Variants in DSCAML1 observed in about 807,000 individuals in gnomAD.
DSCAML1 encodes the protein DS cell adhesion molecule like 1.
DSCAML1 carries 38 observed loss-of-function variants against 200.5 expected under a neutral mutation model. That is an observed-to-expected ratio of 0.19 (90% CI 0.15 to 0.25). The LOEUF (loss-of-function observed/expected upper bound fraction) is 0.25. DSCAML1 is among the 10% of genes least tolerant of loss of function. The probability of loss-of-function intolerance (pLI) is 1.00; values close to 1 mark genes in which losing one functional copy is unlikely to be tolerated. For synonymous variants in DSCAML1, 1,215 were observed against 1,165.0 expected (o/e 1.04, Z -0.87); for missense variants, 2,223 against 2,858.8 (o/e 0.78, Z 5.07).
chr11:117,486,956 C>T (rs1016722803), intron 11 of DSCAML1, among the ~76,000 whole-genome samples: 2 of 94,350 alleles, frequency 2.1e-5, no homozygotes, highest in Non-Finnish European at 4.0e-5. Flanking sequence ...CAGAGTCTTG[C>T]TCTTGTTGCC....
chr11:117,462,954 G>C (rs1418718981), intron 17 of DSCAML1, among the ~76,000 whole-genome samples: 3 of 152,206 alleles, frequency 2.0e-5, no homozygotes, highest in Non-Finnish European at 4.4e-5. Context: ...AATTCCAGGG[G>C]CCCCCCACGA....
chr11:117,540,690 G>A (rs1039813532), intron 3 of DSCAML1, among the ~76,000 whole-genome samples: 3 of 151,876 alleles, frequency 2.0e-5, no homozygotes, highest in African/African-American at 2.4e-5. Context: ...AGGGCCTGTC[G>A]GGGGATGAGG....
At chr11:117,598,469 G>C (rs555589278) in intron 3 of DSCAML1, among the ~76,000 whole-genome samples, 197 of 152,232 alleles carry the variant, frequency 1.3e-3, no homozygotes, top group African/African-American at 4.6e-3. Context: ...CTATAACATG[G>C]GCATCTAGGG....
At chr11:117,460,020 G>C (rs747061) in intron 18 of DSCAML1, among the ~76,000 whole-genome samples, 82,344 of 152,174 alleles carry the variant, frequency 0.54, 22,527 homozygotes, top group African/African-American at 0.61. Context: ...CAGGACTGGA[G>C]CCAGAGAAAG....
chr11:117,717,922 G>A (rs1262246143), intron 3 of DSCAML1, among the ~76,000 whole-genome samples: 1 of 152,232 alleles, frequency 6.6e-6, no homozygotes, highest in African/African-American at 2.4e-5. Flanking sequence ...GAAATGAGGG[G>A]TGAGAAGAGG....
chr11:117,705,231 T>C (rs1448445332), intron 3 of DSCAML1, among the ~76,000 whole-genome samples: 1 of 152,202 alleles, frequency 6.6e-6, no homozygotes, highest in Non-Finnish European at 1.5e-5. Flanking sequence ...AACCCTCTGA[T>C]GGTTACAGAG....
chr11:117,548,640 C>T (rs1273133051), intron 3 of DSCAML1, among the ~76,000 whole-genome samples: 2 of 152,148 alleles, frequency 1.3e-5, no homozygotes, highest in Non-Finnish European at 2.9e-5. Flanking sequence ...CAGTATCACT[C>T]CTCTGAACCT....
rs1315671283 is a variant in DSCAML1 at position 117,482,180 on chromosome 11, A to T, written c.2360-18T>A. On this transcript the variant is annotated intron_variant, in intron 11 of 32. Coordinates refer to ENST00000651296, the MANE Select transcript of DSCAML1 (RefSeq NM_020693.4). Reference sequence around the variant, plus strand: ...GGCCGGGACTGGGGGGCGGAGGCAGAGAAGGCCCAGTGAAGGTCGGGAGAC... The same window carrying T: ...GGCCGGGACTGGGGGGCGGAGGCAGTGAAGGCCCAGTGAAGGTCGGGAGAC... The T allele has an allele frequency of 6.2e-7, 1 of 1,613,430 alleles. No individual in the cohort carries two copies. Among genetic ancestry groups the T allele is most frequent in the Admixed American group, 1.7e-5 (1 of 59,928 alleles).
intron 19 of DSCAML1, among the ~76,000 whole-genome samples, chr11:117,454,198 A>C (rs2048334011): frequency 6.6e-6 from 1 of 152,146 alleles, no homozygotes; most frequent in Admixed American, 6.5e-5. Flanking sequence ...GTGGATCATT[A>C]CCAGCATCAC....
intron 3 of DSCAML1, among the ~76,000 whole-genome samples, chr11:117,718,304 C>T (rs1186191346): frequency 2.0e-5 from 3 of 152,172 alleles, no homozygotes; most frequent in Non-Finnish European, 4.4e-5. Context: ...ACCGGCAGGG[C>T]TCTCCTGGCC....
chr11:117,738,974 C>T (rs529511798), intron 3 of DSCAML1, among the ~76,000 whole-genome samples: 1 of 152,318 alleles, frequency 6.6e-6, no homozygotes, highest in African/African-American at 2.4e-5. Flanking sequence ...AGGGAAAACA[C>T]CTCTACCCCA....
rs140180915 is a variant in DSCAML1, at chr11:117,488,799, T to C, written c.2360-6637A>G. On this transcript the variant is annotated intron_variant, in intron 11 of 32. Coordinates refer to ENST00000651296, the MANE Select transcript of DSCAML1 (RefSeq NM_020693.4). ...ACACACACACTTGTATAGTTCCCTT[T>C]TATTGGGTGCTTACCATGTCCTGGC... Among the ~76,000 whole-genome samples, 4 of 152,334 alleles carry C rather than the reference T, an allele frequency of 2.6e-5. No individual in the cohort carries two copies. The East Asian group carries it at 7.7e-4, about 29-fold the overall frequency.
At chr11:117,798,933 T>C (rs1480326615), upstream of DSCAML1, among the ~76,000 whole-genome samples, 3 of 151,976 alleles carry the variant, frequency 2.0e-5, no homozygotes, top group Non-Finnish European at 4.4e-5. Context: ...CTGAAACAAT[T>C]TGCAGGAGGT....
chr11:117,652,560 G>A (rs4938425), intron 3 of DSCAML1, among the ~76,000 whole-genome samples: 38,050 of 152,190 alleles, frequency 0.25, 5,610 homozygotes, highest in Non-Finnish European at 0.3. Flanking sequence ...GGCAGCCACA[G>A]CTCTAGTCTT....
At chr11:117,499,272 T>C (rs752395813) in intron 11 of DSCAML1, among the ~76,000 whole-genome samples, 1 of 152,104 alleles carries the variant, frequency 6.6e-6, no homozygotes, top group Non-Finnish European at 1.5e-5. Flanking sequence ...TTTTCTTCTG[T>C]TAACTAAATT....
intron 29 of DSCAML1, 27 bp downstream of exon 29, chr11:117,433,111 A>G (rs1482431543): frequency 6.3e-7 from 1 of 1,592,310 alleles, no homozygotes; most frequent in Admixed American, 1.7e-5. Flanking sequence ...CCAGCAGGAC[A>G]GGGAACTTGT....
rs987137235 is a variant in DSCAML1 at position 117,720,445 on chromosome 11, T to C, written c.511+56346A>G. On this transcript the variant is annotated intron_variant, in intron 3 of 32. Coordinates refer to ENST00000651296, the MANE Select transcript of DSCAML1 (RefSeq NM_020693.4). ...GGGGAGGGAGCCGAGGGCTGAATCA[T>C]GAGAGGCGAGCCCCAGCCTCCCGGC... Among the ~76,000 whole-genome samples, 6 of 151,768 alleles carry C rather than the reference T, an allele frequency of 4.0e-5. No individual in the cohort carries two copies. The South Asian group carries it at 1.3e-3, about 32-fold the overall frequency.
chr11:117,756,466 C>T (rs574045763), intron 3 of DSCAML1, among the ~76,000 whole-genome samples: 2 of 152,238 alleles, frequency 1.3e-5, no homozygotes, highest in East Asian at 1.9e-4. Flanking sequence ...CCAGAGCCAG[C>T]GACCACGATG....
intron 1 of DSCAML1, among the ~76,000 whole-genome samples, chr11:117,795,974 T>C (rs1156398324): frequency 1.3e-5 from 2 of 152,314 alleles, no homozygotes; most frequent in Middle Eastern, 3.4e-3. Flanking sequence ...ACGCTGAGCT[T>C]GTTGGAGCGT....
Sources: gnomAD v4.1 joint callset for allele counts (sites outside exome capture counted in the v4.1 genomes callset) on GRCh38, gnomAD v4.1.1 for gene constraint, MANE v1.5 for transcripts, NCBI Gene and HGNC (gene_info 2026-07-23, HGNC 2026-07-21) for gene names.